Variants in MTREX observed in about 807,000 individuals in gnomAD.
MTREX encodes exosome RNA helicase MTR4.
A neutral mutation model predicts 135.4 loss-of-function variants in MTREX; 76 were observed. The observed-to-expected ratio is 0.56, with a 90% CI of 0.47 to 0.68. The LOEUF is 0.68. MTREX is among the 30% of genes least tolerant of loss of function. The pLI, the probability that MTREX is intolerant of heterozygous loss-of-function variation, is 0.00. For synonymous variants in MTREX, 404 were observed against 401.6 expected (o/e 1.01, Z -0.07); for missense variants, 920 against 1,262.1 (o/e 0.73, Z 4.11).
intron 24 of MTREX, among the ~76,000 whole-genome samples, chr5:55,415,623 T>C (rs1750955050): frequency 6.6e-6 from 1 of 152,216 alleles, no homozygotes; most frequent in Non-Finnish European, 1.5e-5. Context: ...GATTTGTATT[T>C]CTCTAAATCT....
At chr5:55,325,348 T>TG (rs1213324374) in intron 3 of MTREX, among the ~76,000 whole-genome samples, 109 of 150,852 alleles carry the variant, frequency 7.2e-4, no homozygotes, top group South Asian at 7.2e-3. Flanking sequence ...TGTTTTTTTT[T>TG]TTTTTAAGAG....
At position 55,324,212 on chromosome 5, in the gene MTREX, G is replaced by A. The variant is rs745438845; in HGVS notation, c.339+14G>A. On this transcript the variant is annotated intron_variant, in intron 3 of 26. Transcript: ENST00000230640. ...TGTACACATGAGGTAAGCACAAACA[G>A]CATACAGAAGGTTAGTGTTACAAAT... The A allele has an allele frequency of 1.0e-5, 16 of 1,585,462 alleles. No homozygotes were observed. Among genetic ancestry groups the A allele is most frequent in the South Asian group, 3.4e-5 (3 of 89,488 alleles).
chr5:55,317,117 A>G (rs1364396976), intron 1 of MTREX, among the ~76,000 whole-genome samples: 5 of 152,142 alleles, frequency 3.3e-5, no homozygotes, highest in Admixed American at 3.3e-4. Context: ...GAATTACAAA[A>G]TACTGTTCAA....
chr5:55,377,840 T>C (rs1351101126), intron 16 of MTREX, among the ~76,000 whole-genome samples: 1 of 152,148 alleles, frequency 6.6e-6, no homozygotes, highest in Admixed American at 6.6e-5. Context: ...CTGCTGCTTT[T>C]TCTCCCCAAG....
At chr5:55,315,960 A>G (rs942952815) in intron 1 of MTREX, among the ~76,000 whole-genome samples, 2 of 152,118 alleles carry the variant, frequency 1.3e-5, no homozygotes, top group Non-Finnish European at 2.9e-5. Flanking sequence ...AAATGTTACT[A>G]CTGACTCCAC....
Position 55,360,871 on chromosome 5 carries a change from T to C in MTREX, c.1659+2173T>C, listed in dbSNP as rs185657149. 2.2e-4 allele frequency among the ~76,000 whole-genome samples: 34 copies of C among 152,356 alleles called. No individual in the cohort carries two copies. In the East Asian group the frequency reaches 6.5e-3, roughly 29 times the overall value. ...TAATACTTATTGAATATTCAATATG[T>C]TCCAAATGTTAATTACAATAATTAT... is the stretch of plus-strand genomic sequence containing the variant. On this transcript the variant is annotated intron_variant, in intron 15 of 26. Coordinates refer to ENST00000230640, the MANE Select transcript of MTREX (RefSeq NM_015360.5).
chr5:55,366,721 T>G lies in MTREX; in HGVS notation c.1660-4T>G. 6.4e-7 allele frequency: 1 copy of G among 1,564,442 alleles called. No individual in the cohort carries two copies. Among genetic ancestry groups the G allele is most frequent in the Non-Finnish European group, 8.6e-7 (1 of 1,157,120 alleles). On this transcript the variant is annotated splice_region_variant and splice_polypyrimidine_tract_variant and intron_variant, in intron 15 of 26. Coordinates refer to ENST00000230640, the MANE Select transcript of MTREX (RefSeq NM_015360.5). ...ACAAAATTGACATTTTTTTTCTCTCTTAGGGCTCCGCTGATCCTCTAAATA... is the reference window on the plus strand; with the variant it reads ...ACAAAATTGACATTTTTTTTCTCTCGTAGGGCTCCGCTGATCCTCTAAATA...
chr5:55,353,324 T>C, intron 14 of MTREX, 55 bp downstream of exon 14: 1 of 1,140,564 alleles, frequency 8.8e-7, no homozygotes, highest in Non-Finnish European at 1.3e-6. Flanking sequence ...ATACTATAGA[T>C]AACTGGCTTA....
chr5:55,411,246 T>C (rs1750880829), intron 23 of MTREX, among the ~76,000 whole-genome samples: 1 of 152,208 alleles, frequency 6.6e-6, no homozygotes. Context: ...GTTTGATTCA[T>C]TTTTAAAAGT....
At chr5:55,379,573 GACACACACACACACACACAC>G (rs60169736) in intron 18 of MTREX, among the ~76,000 whole-genome samples, 2 of 143,806 alleles carry the variant, frequency 1.4e-5, no homozygotes, top group Non-Finnish European at 3.0e-5. Context: ...AAATCTCCCT[GACACACACACACACACACAC>G]ACACACACAC....
intron 15 of MTREX, among the ~76,000 whole-genome samples, chr5:55,360,553 G>A (rs1042023422): frequency 4.6e-5 from 7 of 152,010 alleles, no homozygotes; most frequent in East Asian, 3.9e-4. Context: ...TAGTTGCACC[G>A]TTTTACATTC....
intron 21 of MTREX, among the ~76,000 whole-genome samples, chr5:55,404,158 G>GT (rs1188066661): frequency 3.3e-5 from 5 of 152,146 alleles, no homozygotes; most frequent in Admixed American, 2.0e-4. Context: ...CTTAGTAGAA[G>GT]TTTAATAAAC....
rs774211127 is a variant in MTREX at position 55,335,179 on chromosome 5, C to T, written c.516-4831C>T. ...TGATGTTTTAAATTGGGTTGTTGGT[C>T]TTAATTGCGTTGTAAGAAGTCTTTA... On this transcript the variant is annotated intron_variant, in intron 5 of 26. Transcript: ENST00000230640. Among the ~76,000 whole-genome samples, 99 of 151,944 alleles carry T rather than the reference C, an allele frequency of 6.5e-4. 2 individuals carry two copies. The highest frequency in any genetic ancestry group is 8.7e-4 in the Non-Finnish European group (59 of 67,912).
chr5:55,381,450 G>C (rs1750395387), intron 18 of MTREX, among the ~76,000 whole-genome samples: 1 of 151,994 alleles, frequency 6.6e-6, no homozygotes, highest in South Asian at 2.1e-4. Flanking sequence ...ATAAATTTTA[G>C]TATATTTTAT....
chr5:55,312,054 C>T (rs1749122166), intron 1 of MTREX, among the ~76,000 whole-genome samples: 1 of 152,158 alleles, frequency 6.6e-6, no homozygotes, highest in Admixed American at 6.5e-5. Flanking sequence ...TAGTATCACC[C>T]TGATTCCTCA....
intron 2 of MTREX, among the ~76,000 whole-genome samples, chr5:55,323,623 T>C (rs188836788): frequency 1.8e-4 from 27 of 152,264 alleles, no homozygotes; most frequent in Non-Finnish European, 2.8e-4. Flanking sequence ...TTCTGCCGTA[T>C]TGCCCAAGCT....
intron 16 of MTREX, among the ~76,000 whole-genome samples, chr5:55,374,964 A>G (rs1750269464): frequency 6.6e-6 from 1 of 152,184 alleles, no homozygotes; most frequent in Admixed American, 6.5e-5. Flanking sequence ...TCCAGGGGAG[A>G]CATCACATGT....
rs774780164 is a variant in MTREX at position 55,340,164 on chromosome 5, T to C, written c.670T>C (p.Cys224Arg). The C allele has an allele frequency of 6.3e-7, 1 of 1,588,084 alleles. No homozygotes were observed. Among genetic ancestry groups the C allele is most frequent in the Non-Finnish European group, 8.6e-7 (1 of 1,168,702 alleles). The change falls in exon 6 of 27, where the codon TGT becomes CGT. Residue 224 changes from cysteine (C) to arginine (R), a missense_variant. Cys to Arg is a radical substitution (Grantham distance 180, BLOSUM62 -3). This residue lies in a region of MTREX where 88 missense variants were observed against 202.5 expected (regional missense o/e 0.43). Coordinates refer to ENST00000230640, the MANE Select transcript of MTREX (RefSeq NM_015360.5). ...TGTTACTATTAATCCTACGGCATCT[T>C]GTCTTGTTATGACCACAGAGGTAAT... ...GDVTINPTASCLVMTTEILRS... is the reference protein window; with the variant it reads ...GDVTINPTASRLVMTTEILRS...
At chr5:55,376,916 C>G (rs1309405701) in intron 16 of MTREX, among the ~76,000 whole-genome samples, 1 of 151,620 alleles carries the variant, frequency 6.6e-6, no homozygotes, top group African/African-American at 2.4e-5. Context: ...ACTAAAAATA[C>G]AAGAATTAGC....
Sources: gnomAD v4.1 joint callset for allele counts (sites outside exome capture counted in the v4.1 genomes callset) on GRCh38, gnomAD v4.1.1 for gene constraint, gnomAD v4.1.1 regional missense constraint, MANE v1.5 for transcripts, NCBI Gene and HGNC (gene_info 2026-07-23, HGNC 2026-07-21) for gene names.